ATP10B: variants seen among roughly 807,000 people sequenced by gnomAD.
ATP10B encodes ATPase phospholipid transporting 10B (putative), also known as phospholipid-transporting ATPase VB.
Under a neutral mutation model 141.2 loss-of-function variants are expected in ATP10B, and 122 were observed. The observed-to-expected ratio is 0.86, with a 90% CI of 0.75 to 1.00. ATP10B has a LOEUF of 1.00. Ranked by LOEUF, ATP10B falls within the 50% of genes least tolerant of loss-of-function variation. The pLI, the probability that ATP10B is intolerant of heterozygous loss-of-function variation, is 0.00. For synonymous variants in ATP10B, 685 were observed against 692.0 expected (o/e 0.99, Z 0.16); for missense variants, 1,876 against 1,825.3 (o/e 1.03, Z -0.51).
intron 2 of ATP10B, among the ~76,000 whole-genome samples, chr5:160,720,177 G>A (rs578028998): frequency 6.6e-6 from 1 of 152,262 alleles, no homozygotes; most frequent in East Asian, 1.9e-4. Flanking sequence ...CCCTTGGTGT[G>A]ATGTTATGAA....
chr5:160,866,122 A>G, the ATP10B span, among the ~76,000 whole-genome samples: 2 of 151,954 alleles, frequency 1.3e-5, no homozygotes, highest in Admixed American at 6.6e-5. Context: ...ATGTATGTTT[A>G]TAGCAGCACA....
chr5:160,645,228 G>C (rs1760194907), intron 8 of ATP10B, among the ~76,000 whole-genome samples: 1 of 151,588 alleles, frequency 6.6e-6, no homozygotes, highest in South Asian at 2.1e-4. Context: ...GCAAACAAAA[G>C]TGCAAGGGAA....
At chr5:160,858,975 G>C in the ATP10B span, among the ~76,000 whole-genome samples, 1 of 151,756 alleles carries the variant, frequency 6.6e-6, no homozygotes, top group African/African-American at 2.4e-5. Flanking sequence ...TTTAAGAAAA[G>C]CCTATTGCAT....
chr5:160,643,278 C>T (rs1760012097), intron 9 of ATP10B, among the ~76,000 whole-genome samples: 2 of 151,998 alleles, frequency 1.3e-5, no homozygotes, highest in Non-Finnish European at 2.9e-5. Context: ...CTATGGAGAC[C>T]AAACCAAACA....
chr5:160,822,070 A>C (rs1774153362), intron 1 of ATP10B, among the ~76,000 whole-genome samples: 1 of 152,206 alleles, frequency 6.6e-6, no homozygotes, highest in Admixed American at 6.5e-5. Context: ...CAAAGTGAAG[A>C]CACAATGCAC....
chr5:160,704,914 C>CATCTTTTTTTTTTTTTTTTTTTT (rs1764895267), intron 3 of ATP10B, among the ~76,000 whole-genome samples: 1 of 83,624 alleles, frequency 1.2e-5, no homozygotes, highest in Non-Finnish European at 2.0e-5. Context: ...TTTCTTTCAT[C>CATCTTTTTTTTTTTTTTTTTTTT]TTTTTTTTTT....
chr5:160,825,546 C>T (rs1774530819), intron 1 of ATP10B, among the ~76,000 whole-genome samples: 1 of 152,200 alleles, frequency 6.6e-6, no homozygotes, highest in Non-Finnish European at 1.5e-5. Flanking sequence ...AATTGCCAGT[C>T]TTGGGTATGT....
upstream of ATP10B, among the ~76,000 whole-genome samples, chr5:160,853,998 T>C (rs1753932806): frequency 6.6e-6 from 1 of 152,088 alleles, no homozygotes; most frequent in South Asian, 2.1e-4. Flanking sequence ...TTTTCATTCC[T>C]GATTTTTACA....
At chr5:160,578,961 G>C (rs1227680963) in intron 24 of ATP10B, among the ~76,000 whole-genome samples, 1 of 152,126 alleles carries the variant, frequency 6.6e-6, no homozygotes, top group Non-Finnish European at 1.5e-5. Context: ...TCATATGTTT[G>C]TTGGCCACAT....
At chr5:160,648,602 T>C (rs923090090) in intron 8 of ATP10B, among the ~76,000 whole-genome samples, 3 of 152,210 alleles carry the variant, frequency 2.0e-5, no homozygotes, top group African/African-American at 7.2e-5. Context: ...GGAGCCACTG[T>C]TAATTGAATA....
the ATP10B span, among the ~76,000 whole-genome samples, chr5:160,886,316 A>G: frequency 3.9e-5 from 6 of 152,226 alleles, no homozygotes; most frequent in Non-Finnish European, 8.8e-5. Context: ...CATTTGATGG[A>G]GGACTTGAAA....
At chr5:160,807,315 CA>C (rs1326995387) in intron 1 of ATP10B, among the ~76,000 whole-genome samples, 4 of 152,078 alleles carry the variant, frequency 2.6e-5, no homozygotes, top group African/African-American at 9.7e-5. Flanking sequence ...CACTGTAAAC[CA>C]TTTTTTTTGG....
chr5:160,786,411 A>AT (rs1327075728), intron 1 of ATP10B, among the ~76,000 whole-genome samples: 1 of 152,158 alleles, frequency 6.6e-6, no homozygotes, highest in African/African-American at 2.4e-5. Flanking sequence ...TTCTTAAGCC[A>AT]TTGGGTTTTC....
intron 1 of ATP10B, among the ~76,000 whole-genome samples, chr5:160,821,346 C>T (rs1774087503): frequency 2.0e-5 from 3 of 151,702 alleles, no homozygotes; most frequent in South Asian, 2.1e-4. Context: ...TATAAAACAG[C>T]TGATGTAAGA....
At chr5:160,781,031 C>A (rs957155022) in intron 2 of ATP10B, among the ~76,000 whole-genome samples, 5 of 151,986 alleles carry the variant, frequency 3.3e-5, no homozygotes, top group African/African-American at 1.2e-4. Flanking sequence ...TGTTCTTTGC[C>A]CAGTACAATA....
chr5:160,847,818 G>A (rs1437052478), intron 1 of ATP10B, among the ~76,000 whole-genome samples: 5 of 152,114 alleles, frequency 3.3e-5, no homozygotes, highest in African/African-American at 1.2e-4. Context: ...ACCAGCTCAT[G>A]GAAACCATTG....
intron 7 of ATP10B, among the ~76,000 whole-genome samples, chr5:160,668,872 C>T (rs528368008): frequency 1.3e-5 from 2 of 152,306 alleles, no homozygotes; most frequent in African/African-American, 4.8e-5. Flanking sequence ...ATCAATCACA[C>T]AAAAAGGGTT....
intron 2 of ATP10B, among the ~76,000 whole-genome samples, chr5:160,769,811 A>T (rs1769750802): frequency 6.6e-6 from 1 of 152,204 alleles, no homozygotes; most frequent in African/African-American, 2.4e-5. Context: ...AAAAGCAGAG[A>T]CTTAGAGTTA....
chr5:160,793,837 A>AT (rs1234091025), intron 1 of ATP10B, among the ~76,000 whole-genome samples: 2 of 152,046 alleles, frequency 1.3e-5, no homozygotes, highest in Non-Finnish European at 2.9e-5. Flanking sequence ...TTTTCACTGT[A>AT]TTTTTTCTGT....
Sources: gnomAD v4.1 joint callset for allele counts (sites outside exome capture counted in the v4.1 genomes callset) on GRCh38, gnomAD v4.1.1 for gene constraint, MANE v1.5 for transcripts, NCBI Gene and HGNC (gene_info 2026-07-23, HGNC 2026-07-21) for gene names.